OR56A3: variants seen among roughly 807,000 people sequenced by gnomAD.
OR56A3 encodes the protein olfactory receptor 56A3.
In OR56A3, 23 loss-of-function variants were observed where a neutral mutation model predicts 17.5. That is an observed-to-expected ratio of 1.32 (90% CI 0.95 to 1.87). The LOEUF (loss-of-function observed/expected upper bound fraction) is 1.87. OR56A3 is among the 40% of genes most tolerant of loss of function. The pLI is 0.00. For missense variants in OR56A3, 366 were observed against 380.1 expected (o/e 0.96, Z 0.31); for synonymous variants, 175 against 150.6 (o/e 1.16, Z -1.19).
At chr11:5,990,047 AT>A in the OR56A3 span, among the ~76,000 whole-genome samples, 2 of 152,164 alleles carry the variant, frequency 1.3e-5, no homozygotes, top group African/African-American at 4.8e-5. Context: ...TTTCTTTCCT[AT>A]TGTAATGCCT....
At chr11:5,984,654 A>C in the OR56A3 span, among the ~76,000 whole-genome samples, 1 of 152,310 alleles carries the variant, frequency 6.6e-6, no homozygotes, top group Middle Eastern at 3.4e-3. Context: ...TCCTGCAATA[A>C]AAACAGCTCA....
the OR56A3 span, among the ~76,000 whole-genome samples, chr11:5,972,685 G>A: frequency 6.6e-6 from 1 of 152,310 alleles, no homozygotes; most frequent in South Asian, 2.1e-4. Flanking sequence ...CTGGAGTGCG[G>A]TGGCGCGATT....
chr11:5,984,975 TTG>T, the OR56A3 span, among the ~76,000 whole-genome samples: 1 of 152,198 alleles, frequency 6.6e-6, no homozygotes, highest in African/African-American at 2.4e-5. Flanking sequence ...AATATATCAA[TTG>T]TAGCAGTCAT....
the OR56A3 span, among the ~76,000 whole-genome samples, chr11:5,976,972 G>A: frequency 6.6e-6 from 1 of 152,048 alleles, no homozygotes; most frequent in South Asian, 2.1e-4. Flanking sequence ...TGTGGTATTT[G>A]GTTTTCTGTT....
At chr11:5,986,475 T>C in the OR56A3 span, 92 of 1,613,896 alleles carry the variant, frequency 5.7e-5, 2 homozygotes, top group South Asian at 5.6e-4. Context: ...GATGCAGGAT[T>C]GTGGAATGGT....
At chr11:5,957,995 G>A in the OR56A3 span, among the ~76,000 whole-genome samples, 2 of 152,194 alleles carry the variant, frequency 1.3e-5, no homozygotes, top group African/African-American at 4.8e-5. Flanking sequence ...TGTGTTTCAA[G>A]AGAAATTGTA....
chr11:6,015,100 G>C, the OR56A3 span, among the ~76,000 whole-genome samples: 15 of 150,934 alleles, frequency 9.9e-5, no homozygotes, highest in South Asian at 3.1e-3. Context: ...TGGTAGAAAA[G>C]GAAAGCCCAT....
the OR56A3 span, chr11:6,002,419 A>G: frequency 6.2e-7 from 1 of 1,614,268 alleles, no homozygotes; most frequent in Non-Finnish European, 8.5e-7. Flanking sequence ...ATGTCATCAC[A>G]AGAGAGTTTG....
chr11:6,020,610 T>C, the OR56A3 span: 1 of 152,282 alleles, frequency 6.6e-6, no homozygotes, highest in East Asian at 1.9e-4. Context: ...AATCTCAGTT[T>C]GGCTGTTGTT....
the OR56A3 span, chr11:5,968,328 G>A: frequency 1.2e-6 from 2 of 1,613,230 alleles, no homozygotes; most frequent in Admixed American, 1.7e-5. Context: ...GTGCAGAGAG[G>A]CTTCCAGATA....
chr11:6,008,615 C>CAA, the OR56A3 span, among the ~76,000 whole-genome samples: 3 of 151,914 alleles, frequency 2.0e-5, no homozygotes, highest in African/African-American at 7.3e-5. Context: ...CTCAGAACCA[C>CAA]AATTTCCTCA....
At chr11:5,965,927 G>A in the OR56A3 span, among the ~76,000 whole-genome samples, 1 of 151,998 alleles carries the variant, frequency 6.6e-6, no homozygotes, top group Non-Finnish European at 1.5e-5. Flanking sequence ...GGGACATAAT[G>A]TTAAAAAAAA....
the OR56A3 span, among the ~76,000 whole-genome samples, chr11:5,976,552 A>G: frequency 6.6e-6 from 1 of 151,858 alleles, no homozygotes; most frequent in African/African-American, 2.4e-5. Flanking sequence ...TAGTAGTAAC[A>G]CTTGTTCAGT....
the OR56A3 span, chr11:5,999,314 C>A: frequency 6.6e-6 from 1 of 152,070 alleles, no homozygotes; most frequent in Non-Finnish European, 1.5e-5. Context: ...AAGCAGCAAG[C>A]TTGGGGAAAT....
the OR56A3 span, among the ~76,000 whole-genome samples, chr11:6,014,361 A>G: frequency 6.6e-6 from 1 of 152,322 alleles, no homozygotes; most frequent in Middle Eastern, 3.4e-3. Context: ...ATGGTTTAAC[A>G]CCATCCTCCG....
Position 5,947,828 on chromosome 11 carries a change from T to A in OR56A3, c.482T>A (p.Leu161Gln). 1.2e-6 allele frequency: 2 copies of A among 1,614,236 alleles called. No homozygotes were observed. The highest frequency in any genetic ancestry group is 1.7e-6 in the Non-Finnish European group (2 of 1,180,036). Reference protein sequence around the residue: ...FILTRNVLMTLPIPILSAQLR... With the variant: ...FILTRNVLMTQPIPILSAQLR... Reference sequence around the variant, plus strand: ...TTGACCAGAAATGTGCTTATGACTCTGCCCATCCCCATCCTTTCAGCACAA... The same window carrying A: ...TTGACCAGAAATGTGCTTATGACTCAGCCCATCCCCATCCTTTCAGCACAA... Residue 161 changes from leucine (L) to glutamine (Q), a missense_variant, in exon 3 of 3, where the codon CTG (leucine) becomes CAG (glutamine). Physicochemically the swap from Leu to Gln is moderately radical, Grantham distance 113. Transcript: ENST00000641160.
intron 1 of OR56A3, among the ~76,000 whole-genome samples, chr11:5,942,893 T>C (rs1219884711): frequency 6.6e-6 from 1 of 152,260 alleles, no homozygotes; most frequent in African/African-American, 2.4e-5. Flanking sequence ...ACAGGGTTTC[T>C]TTGGCACTAT....
the OR56A3 span, chr11:5,986,427 C>T: frequency 6.2e-7 from 1 of 1,613,964 alleles, no homozygotes; most frequent in Non-Finnish European, 8.5e-7. Flanking sequence ...GTAATCCCCT[C>T]ACCAGCACCA....
chr11:6,014,905 G>T, the OR56A3 span, among the ~76,000 whole-genome samples: 3 of 141,786 alleles, frequency 2.1e-5, no homozygotes, highest in Non-Finnish European at 3.0e-5. Flanking sequence ...CTTTGATCTT[G>T]AGAGAGATGA....
Sources: allele counts gnomAD v4.1 joint callset (sites outside exome capture counted in the v4.1 genomes callset), GRCh38; gene constraint gnomAD v4.1.1; transcripts MANE v1.5; gene names NCBI Gene and HGNC (gene_info 2026-07-23, HGNC 2026-07-21).